Variants in DCC observed in about 807,000 individuals in gnomAD.
The protein encoded by DCC is DCC netrin 1 receptor.
Under a neutral mutation model 172.5 loss-of-function variants are expected in DCC, and 58 were observed. The observed-to-expected ratio is 0.34, with a 90% CI of 0.27 to 0.42. DCC has a LOEUF of 0.42. DCC is among the 10% of genes least tolerant of loss of function. The probability of loss-of-function intolerance (pLI) is 1.00; values close to 1 mark genes in which losing one functional copy is unlikely to be tolerated. For missense variants in DCC, 1,740 were observed against 1,791.0 expected (o/e 0.97, Z 0.51); for synonymous variants, 709 against 644.5 (o/e 1.10, Z -1.52).
chr18:52,634,499 T>C (rs905551223), intron 1 of DCC, among the ~76,000 whole-genome samples: 1 of 152,194 alleles, frequency 6.6e-6, no homozygotes, highest in Admixed American at 6.5e-5. Context: ...TGATCTATTG[T>C]CATTTAAATT....
chr18:53,365,859 A>C (rs893550067), intron 15 of DCC, among the ~76,000 whole-genome samples: 1 of 152,214 alleles, frequency 6.6e-6, no homozygotes, highest in African/African-American at 2.4e-5. Context: ...GAAATACAAC[A>C]AATCCTTTGC....
At position 52,879,197 on chromosome 18, in the gene DCC, G is replaced by T. The variant is rs118003120; in HGVS notation, c.413-26847G>T. On this transcript the variant is annotated intron_variant, in intron 2 of 28. Transcript: ENST00000442544. ...AAAGAAAGCTCTTTCATAAACCTTT[G>T]CTTCTTTTTCCTTTCCTCTTTTTTA... Among the ~76,000 whole-genome samples the T allele has an allele frequency of 1.0e-3, 154 of 152,126 alleles. 1 individual carries two copies. The highest frequency in any genetic ancestry group is 3.6e-3 in the African/African-American group (149 of 41,500).
chr18:52,388,927 G>T (rs1985923644), intron 1 of DCC, among the ~76,000 whole-genome samples: 1 of 152,244 alleles, frequency 6.6e-6, no homozygotes, highest in Non-Finnish European at 1.5e-5. Context: ...TGGACACTTG[G>T]TAAGACCAAT....
chr18:53,162,548 T>C (rs2054859775), intron 8 of DCC, among the ~76,000 whole-genome samples: 1 of 152,194 alleles, frequency 6.6e-6, no homozygotes. Context: ...CTTTTTCTCA[T>C]GTTACTTCTC....
chr18:52,674,259 C>A (rs746333571), intron 1 of DCC, among the ~76,000 whole-genome samples: 3 of 152,100 alleles, frequency 2.0e-5, no homozygotes, highest in Non-Finnish European at 4.4e-5. Flanking sequence ...GCTTGCAAAT[C>A]TTGGTATAGC....
intron 2 of DCC, among the ~76,000 whole-genome samples, chr18:52,895,548 GA>G (rs2039716155): frequency 1.3e-5 from 2 of 151,714 alleles, no homozygotes. Context: ...GCTTGTTTTA[GA>G]AAAAAATGAG....
chr18:53,411,620 C>T (rs1434011338), intron 20 of DCC, among the ~76,000 whole-genome samples: 1 of 152,020 alleles, frequency 6.6e-6, no homozygotes, highest in Non-Finnish European at 1.5e-5. Flanking sequence ...GAAAGGTACC[C>T]TAGTAAATAA....
chr18:53,526,822 C>T (rs901007783), intron 28 of DCC, 63 bp downstream of exon 28: 34 of 1,577,198 alleles, frequency 2.2e-5, no homozygotes, highest in Non-Finnish European at 2.9e-5. Flanking sequence ...TGTGTAATAG[C>T]ATCTAAACCA....
At chr18:53,475,566 T>G (rs2045752262) in intron 25 of DCC, among the ~76,000 whole-genome samples, 1 of 152,214 alleles carries the variant, frequency 6.6e-6, no homozygotes, top group African/African-American at 2.4e-5. Context: ...CCTTGTGGTG[T>G]TGAGCCTTCC....
chr18:52,369,599 C>A (rs759151646), intron 1 of DCC, among the ~76,000 whole-genome samples: 6 of 151,724 alleles, frequency 4.0e-5, no homozygotes, highest in Non-Finnish European at 7.4e-5. Context: ...GCCTTGAGAC[C>A]TTTCTCTCTC....
intron 1 of DCC, among the ~76,000 whole-genome samples, chr18:52,692,409 A>T (rs368554901): frequency 6.6e-6 from 1 of 152,030 alleles, no homozygotes; most frequent in Non-Finnish European, 1.5e-5. Context: ...TAATCACTGC[A>T]TTCTGAACTG....
rs1488504700 is a variant in DCC, at chr18:53,386,132, A to G, written c.2449A>G (p.Ile817Val). Residue 817 changes from isoleucine (I) to valine (V), a missense_variant, in exon 16 of 29, where the codon ATA becomes GTA. Transcript: ENST00000442544. The part of the protein sequence containing the change: ...PLYESATTRS[I>V]TDPTDPVDYY... ...TTATGAAAGTGCCACCACCAGGTCT[A>G]TAACCGGTAAGTGAAATTGTTAATC... is the stretch of plus-strand genomic sequence containing the variant. The G allele has an allele frequency of 5.0e-6, 8 of 1,599,244 alleles. No homozygotes were observed. The highest frequency in any genetic ancestry group is 2.2e-5 in the South Asian group (2 of 90,808).
At chr18:53,102,294 C>A (rs2043184758) in intron 7 of DCC, among the ~76,000 whole-genome samples, 1 of 151,996 alleles carries the variant, frequency 6.6e-6, no homozygotes, top group South Asian at 2.1e-4. Flanking sequence ...AAATGTTCGT[C>A]CTATTTTTAA....
At chr18:53,032,560 C>T (rs1406406024) in intron 5 of DCC, among the ~76,000 whole-genome samples, 4 of 152,156 alleles carry the variant, frequency 2.6e-5, no homozygotes, top group African/African-American at 9.7e-5. Flanking sequence ...TGGTCCTATG[C>T]ATTGTATCTG....
At chr18:52,951,011 G>T (rs1192916412) in intron 5 of DCC, among the ~76,000 whole-genome samples, 1 of 140,394 alleles carries the variant, frequency 7.1e-6, no homozygotes, top group Non-Finnish European at 1.5e-5. Flanking sequence ...CCTTGAAATG[G>T]ATAATCAGCA....
intron 5 of DCC, among the ~76,000 whole-genome samples, chr18:52,939,640 G>T (rs890863695): frequency 6.6e-6 from 1 of 152,058 alleles, no homozygotes; most frequent in African/African-American, 2.4e-5. Flanking sequence ...TCTTTTCATA[G>T]TCTCAATATA....
intron 5 of DCC, among the ~76,000 whole-genome samples, chr18:53,020,440 G>A (rs2041864152): frequency 6.6e-6 from 1 of 152,098 alleles, no homozygotes; most frequent in African/African-American, 2.4e-5. Context: ...TCATAAAAAT[G>A]TCACTGTTCA....
In DCC at chr18:52,942,060, A is replaced by G. The variant is rs192202594; in HGVS notation, c.985+16690A>G. 1.5e-3 allele frequency among the ~76,000 whole-genome samples: 225 copies of G among 152,226 alleles called. 1 individual carries two copies. Among genetic ancestry groups the G allele is most frequent in the African/African-American group, 5.1e-3 (213 of 41,550 alleles). On this transcript the variant is annotated intron_variant, in intron 5 of 28. Coordinates refer to ENST00000442544, the MANE Select transcript of DCC (RefSeq NM_005215.4). ...GGCTTCCCAAAGTGCTGGGATTACA[A>G]GTGTGAGCCACTGCGCCTGGCCCAT...
chr18:53,340,266 A>G (rs901208693), intron 15 of DCC, among the ~76,000 whole-genome samples: 4 of 152,292 alleles, frequency 2.6e-5, no homozygotes, highest in Middle Eastern at 3.4e-3. Flanking sequence ...AATAATTTCT[A>G]TAAAAAGAAA....
Sources: gnomAD v4.1 joint callset for allele counts (sites outside exome capture counted in the v4.1 genomes callset) on GRCh38, gnomAD v4.1.1 for gene constraint, MANE v1.5 for transcripts, NCBI Gene and HGNC (gene_info 2026-07-23, HGNC 2026-07-21) for gene names.